TUT7: variants seen among roughly 807,000 people sequenced by gnomAD.
The protein encoded by TUT7 is terminal uridylyl transferase 7, also known as terminal uridylyltransferase 7.
A neutral mutation model predicts 165.9 loss-of-function variants in TUT7; 33 were observed. The ratio of observed to expected loss-of-function variants is 0.20; its 90% confidence interval spans 0.15 to 0.27. The LOEUF (loss-of-function observed/expected upper bound fraction) is 0.27, where lower values mean the gene tolerates loss of function less well. TUT7 is among the 10% of genes least tolerant of loss of function. The probability of loss-of-function intolerance (pLI) is 1.00; values close to 1 mark genes in which losing one functional copy is unlikely to be tolerated. For synonymous variants in TUT7, 552 were observed against 608.1 expected (o/e 0.91, Z 1.36); for missense variants, 1,338 against 1,762.3 (o/e 0.76, Z 4.31).
At position 86,323,100 on chromosome 9, in the gene TUT7, T is replaced by C; in HGVS notation, c.2650A>G (p.Thr884Ala). The change falls in exon 13 of 27, where the codon ACT becomes GCT. Residue 884 changes from threonine (T) to alanine (A), a missense_variant. Physicochemically the swap from Thr to Ala is moderately conservative, Grantham distance 58. This residue lies in a region of TUT7 where 425 missense variants were observed against 474.9 expected (regional missense o/e 0.89). Transcript: ENST00000375963. Reference sequence around the variant, plus strand: ...AGGGCGTCCTCATCCCCTGACCCAGTGTAGGTGTTGTCTAACTCATCTTCA... The same window carrying C: ...AGGGCGTCCTCATCCCCTGACCCAGCGTAGGTGTTGTCTAACTCATCTTCA... The part of the protein sequence containing the change: ...ANEDELDNTY[T>A]GSGDEDALSE... The C allele has an allele frequency of 6.2e-7, 1 of 1,614,196 alleles. No individual in the cohort carries two copies. Among genetic ancestry groups the C allele is most frequent in the Non-Finnish European group, 8.5e-7 (1 of 1,180,032 alleles).
Position 86,322,966 on chromosome 9 carries a change from G to A in TUT7, c.2784C>T (p.Leu928=), listed in dbSNP as rs1024964731. The A allele has an allele frequency of 1.9e-6, 3 of 1,613,800 alleles. No homozygotes were observed. The highest frequency in any genetic ancestry group is 2.5e-6 in the Non-Finnish European group (3 of 1,179,930). The change falls in exon 13 of 27, where the codon CTC becomes CTT. Residue 928 remains leucine (L), a synonymous_variant. Transcript: ENST00000375963. ...ALLVELNKIS[L]KEENVCEEKN... ...TTTCTTCACATACATTTTCTTCCTTGAGACTTATTTTATTAAGTTCCACTA... is the reference window on the plus strand; with the variant it reads ...TTTCTTCACATACATTTTCTTCCTTAAGACTTATTTTATTAAGTTCCACTA...
At chr9:86,292,716 G>A (rs1825992067) in intron 26 of TUT7, among the ~76,000 whole-genome samples, 2 of 151,856 alleles carry the variant, frequency 1.3e-5, no homozygotes, top group Admixed American at 1.3e-4. Context: ...CGAGGTTGCA[G>A]TGAGCTATGA....
At chr9:86,346,135 T>C (rs1363476918) in intron 3 of TUT7, among the ~76,000 whole-genome samples, 164 bp downstream of exon 3, 2 of 152,168 alleles carry the variant, frequency 1.3e-5, no homozygotes, top group Non-Finnish European at 2.9e-5. Context: ...CAATGACTCC[T>C]AATCCTATTA....
At position 86,323,560 on chromosome 9, in the gene TUT7, A is replaced by T; in HGVS notation, c.2190T>A (p.Asp730Glu). Residue 730 changes from aspartate (D) to glutamate (E), a missense_variant, in exon 13 of 27, where the codon GAT becomes GAA. Asp to Glu is a conservative substitution (Grantham distance 45, BLOSUM62 2). Around this residue, in one of 7 missense-constraint regions of TUT7, gnomAD observed 425 missense variants for 474.9 expected, o/e 0.89. Transcript: ENST00000375963. The part of the protein sequence containing the change: ...HPENSDCIQA[D>E]VNSDDYKGDK... ...CACCCTTGTAATCATCAGAGTTAAC[A>T]TCTGCTTGGATACAGTCTGAGTTTT... 1 of 1,614,208 alleles carries T rather than the reference A, an allele frequency of 6.2e-7. No homozygotes were observed.
At position 86,322,996 on chromosome 9, in the gene TUT7, A is replaced by G; in HGVS notation, c.2754T>C (p.Ala918=). 2.5e-6 allele frequency: 4 copies of G among 1,613,940 alleles called. No individual in the cohort carries two copies. The highest frequency in any genetic ancestry group is 3.4e-6 in the Non-Finnish European group (4 of 1,179,988). Residue 918 remains alanine, a synonymous_variant, in exon 13 of 27, where the codon GCT becomes GCC. Coordinates refer to ENST00000375963, the MANE Select transcript of TUT7 (RefSeq NM_024617.4). The part of the protein sequence containing the change: ...VKECGKHVER[A]LLVELNKISL... ...TTATTTTATTAAGTTCCACTAGGAG[A>G]GCTCTTTCTACATGTTTTCCACATT...
chr9:86,328,239 C>T (rs777591496), intron 11 of TUT7, 101 bp downstream of exon 11: 35 of 1,236,284 alleles, frequency 2.8e-5, no homozygotes, highest in Middle Eastern at 2.1e-4. Flanking sequence ...GAAAGAGCCA[C>T]GAAATAGTAA....
At chr9:86,315,931 A>G (rs1234244699) in intron 17 of TUT7, among the ~76,000 whole-genome samples, 1 of 152,080 alleles carries the variant, frequency 6.6e-6, no homozygotes. Flanking sequence ...ACTCCTGGGG[A>G]AAAAATTTCA....
At position 86,319,795 on chromosome 9, in the gene TUT7, T is replaced by G. The variant is rs1367385372; in HGVS notation, c.3029-125A>C. ...TTAAATTTAAAAATTCCTAAATCAT[T>G]GTGTCTTCTCAGTAGATAGCATTAA... On this transcript the variant is annotated intron_variant, in intron 14 of 26. Transcript: ENST00000375963. 4.4e-6 allele frequency: 3 copies of G among 683,238 alleles called. No homozygotes were observed. In the African/African-American group the frequency reaches 5.5e-5, roughly 13 times the overall value. 42.3% of individuals were successfully genotyped at this position (683,238 alleles called of 1,614,324 possible). A position where few individuals can be genotyped will look rare whatever the true frequency, so the allele number is the denominator to read the frequency against.
In TUT7 at chr9:86,322,984, T is replaced by C; in HGVS notation, c.2766A>G (p.Glu922=). The C allele has an allele frequency of 6.2e-7, 1 of 1,614,106 alleles. No individual in the cohort carries two copies. The highest frequency in any genetic ancestry group is 8.5e-7 in the Non-Finnish European group (1 of 1,179,994). The change falls in exon 13 of 27, where the codon GAA becomes GAG. Residue 922 remains glutamate, a synonymous_variant. Transcript: ENST00000375963. ...GKHVERALLV[E]LNKISLKEEN... is the part of the protein sequence containing the mutation. ...CTTCCTTGAGACTTATTTTATTAAG[T>C]TCCACTAGGAGAGCTCTTTCTACAT...
At chr9:86,340,374 G>C (rs984002288) in intron 7 of TUT7, among the ~76,000 whole-genome samples, 4 of 152,150 alleles carry the variant, frequency 2.6e-5, no homozygotes, top group Admixed American at 1.3e-4. Context: ...ATGTTATATG[G>C]ATAACAATTA....
chr9:86,308,118 C>T (rs1015679358), intron 22 of TUT7, among the ~76,000 whole-genome samples: 21 of 152,138 alleles, frequency 1.4e-4, no homozygotes, highest in African/African-American at 3.6e-4. Flanking sequence ...ATTCACTTAG[C>T]GGCACTCTTC....
intron 26 of TUT7, among the ~76,000 whole-genome samples, chr9:86,293,229 C>A (rs1450362430): frequency 6.6e-6 from 1 of 152,064 alleles, no homozygotes. Flanking sequence ...TGAGGAGGAT[C>A]ATCTGAGCCC....
At chr9:86,340,162 A>G in intron 7 of TUT7, 57 bp from the exon 8 acceptor site, 11 of 1,440,008 alleles carry the variant, frequency 7.6e-6, no homozygotes, top group Non-Finnish European at 1.1e-5. Flanking sequence ...GTTTAAAAGC[A>G]GAACCAGATA....
At chr9:86,303,756 G>A (rs1415790195) in intron 24 of TUT7, among the ~76,000 whole-genome samples, 2 of 152,188 alleles carry the variant, frequency 1.3e-5, no homozygotes, top group African/African-American at 4.8e-5. Flanking sequence ...TCCCCAGGGA[G>A]CTTGCTGGAA....
chr9:86,338,799 C>A, intron 9 of TUT7, 24 bp downstream of exon 9: 1 of 1,569,462 alleles, frequency 6.4e-7, no homozygotes, highest in South Asian at 1.2e-5. Context: ...AGAATGTATT[C>A]ATGCATAAAG....
At position 86,337,840 on chromosome 9, in the gene TUT7, T is replaced by C. The variant is rs1830951190; in HGVS notation, c.1336-302A>G. ...GATATCCATGGTCAATTCATTCATT[T>C]GTTTAGAATACATGTTAATGAATTA... On this transcript the variant is annotated intron_variant, in intron 9 of 26. Transcript: ENST00000375963. 2.0e-5 allele frequency among the ~76,000 whole-genome samples: 3 copies of C among 151,884 alleles called. No individual in the cohort carries two copies. The South Asian group carries it at 6.2e-4, about 31-fold the overall frequency.
chr9:86,335,832 A>G (rs889748938), intron 10 of TUT7, among the ~76,000 whole-genome samples: 4 of 152,192 alleles, frequency 2.6e-5, no homozygotes, highest in Non-Finnish European at 4.4e-5. Flanking sequence ...AATGGATCCA[A>G]TGATTTCAAT....
Position 86,319,042 on chromosome 9 carries a change from C to G in TUT7, c.3132G>C (p.Leu1044=), listed in dbSNP as rs1381005813. The G allele has an allele frequency of 1.9e-6, 3 of 1,613,516 alleles. No individual in the cohort carries two copies. Among genetic ancestry groups the G allele is most frequent in the East Asian group, 2.2e-5 (1 of 44,888 alleles). Reference sequence around the variant, plus strand: ...CAAATCCATTTTTGGAGGAGCCAAACAGGCTCAATTTAGTTCCTGTTAGGG... The same window carrying G: ...CAAATCCATTTTTGGAGGAGCCAAAGAGGCTCAATTTAGTTCCTGTTAGGG... The part of the protein sequence containing the change: ...RQDFPGTKLS[L]FGSSKNGFGF... The change falls in exon 16 of 27, where the codon CTG becomes CTC. Residue 1044 remains leucine, a synonymous_variant. Transcript: ENST00000375963.
chr9:86,330,704 A>G (rs1160089470), intron 10 of TUT7, among the ~76,000 whole-genome samples: 1 of 152,026 alleles, frequency 6.6e-6, no homozygotes, highest in Non-Finnish European at 1.5e-5. Context: ...CAGAGTTTTT[A>G]ACTTTTACAT....
Sources: allele counts gnomAD v4.1 joint callset (sites outside exome capture counted in the v4.1 genomes callset), GRCh38; gene constraint gnomAD v4.1.1; regional missense constraint gnomAD v4.1.1; transcripts MANE v1.5; gene names NCBI Gene and HGNC (gene_info 2026-07-23, HGNC 2026-07-21).